Variants in CTNNA3 observed in about 807,000 individuals in gnomAD.
CTNNA3 encodes the protein catenin alpha 3.
Under a neutral mutation model 95.7 loss-of-function variants are expected in CTNNA3, and 76 were observed. The observed-to-expected ratio is 0.79, with a 90% confidence interval of 0.66 to 0.96. The LOEUF (loss-of-function observed/expected upper bound fraction) is 0.96. Ranked by LOEUF, CTNNA3 falls within the 40% of genes least tolerant of loss-of-function variation. The probability of loss-of-function intolerance (pLI) is 0.00; values close to 1 mark genes in which losing one functional copy is unlikely to be tolerated. For missense variants in CTNNA3, 1,191 were observed against 1,089.8 expected (o/e 1.09, Z -1.31); for synonymous variants, 431 against 374.4 (o/e 1.15, Z -1.74).
chr10:67,343,922 T>A (rs1302810947), intron 5 of CTNNA3, among the ~76,000 whole-genome samples: 1 of 147,962 alleles, frequency 6.8e-6, no homozygotes, highest in Non-Finnish European at 1.5e-5. Context: ...ATTATATATT[T>A]TATATTTTAT....
At chr10:66,962,271 T>C (rs1849151512) in intron 7 of CTNNA3, among the ~76,000 whole-genome samples, 1 of 152,152 alleles carries the variant, frequency 6.6e-6, no homozygotes, top group South Asian at 2.1e-4. Context: ...TATCACCCAC[T>C]AGCCTCTCTT....
At chr10:67,628,651 T>C (rs1839037081) in intron 2 of CTNNA3, among the ~76,000 whole-genome samples, 1 of 152,174 alleles carries the variant, frequency 6.6e-6, no homozygotes, top group Non-Finnish European at 1.5e-5. Context: ...GAGTTATATT[T>C]ATATGGCTAT....
rs551434130 is a variant in CTNNA3 at position 66,447,657 on chromosome 10, C to T, written c.1532-68305G>A. On this transcript the variant is annotated intron_variant, in intron 11 of 17. Coordinates refer to ENST00000433211, the MANE Select transcript of CTNNA3 (RefSeq NM_013266.4). ...CTAAAACTGGATCCCTTCCTTACAC[C>T]TTATACAAAAATTAATTCAAGATGG... Among the ~76,000 whole-genome samples the T allele has an allele frequency of 6.6e-5, 10 of 152,216 alleles. 1 individual carries two copies. Among genetic ancestry groups the T allele is most frequent in the Admixed American group, 5.2e-4 (8 of 15,274 alleles).
chr10:67,128,191 A>G (rs1355321027), intron 7 of CTNNA3, among the ~76,000 whole-genome samples: 1 of 152,130 alleles, frequency 6.6e-6, no homozygotes, highest in African/African-American at 2.4e-5. Context: ...GTCAAATATT[A>G]TTCTGGGTGT....
intron 9 of CTNNA3, among the ~76,000 whole-genome samples, chr10:66,701,838 G>A (rs1183782353): frequency 6.6e-6 from 1 of 151,948 alleles, no homozygotes; most frequent in Non-Finnish European, 1.5e-5. Flanking sequence ...GAGATATCTT[G>A]GAGATGGGAC....
chr10:67,363,411 T>C (rs79741948), intron 5 of CTNNA3, among the ~76,000 whole-genome samples: 3,758 of 150,960 alleles, frequency 0.025, 158 homozygotes, highest in African/African-American at 0.085. Flanking sequence ...AGTATAAAAA[T>C]AGACAAATTC....
At chr10:67,654,352 A>T (rs1484568275) in intron 1 of CTNNA3, among the ~76,000 whole-genome samples, 1 of 152,170 alleles carries the variant, frequency 6.6e-6, no homozygotes, top group Non-Finnish European at 1.5e-5. Context: ...TCCCAATACA[A>T]ACGTTAAAGA....
At chr10:67,160,648 G>T (rs899342289) in intron 7 of CTNNA3, among the ~76,000 whole-genome samples, 1 of 151,908 alleles carries the variant, frequency 6.6e-6, no homozygotes, top group Admixed American at 6.6e-5. Flanking sequence ...TGTTCCCCAG[G>T]ATGGTCTTAA....
At chr10:67,624,424 C>T (rs558720848) in intron 2 of CTNNA3, among the ~76,000 whole-genome samples, 21 of 152,216 alleles carry the variant, frequency 1.4e-4, no homozygotes, top group African/African-American at 4.6e-4. Flanking sequence ...TTTACTACAC[C>T]CCAAGTTGAC....
At position 67,145,467 on chromosome 10, in the gene CTNNA3, G is replaced by A. The variant is rs116379283; in HGVS notation, c.1047+34850C>T. On this transcript the variant is annotated intron_variant, in intron 7 of 17. Coordinates refer to ENST00000433211, the MANE Select transcript of CTNNA3 (RefSeq NM_013266.4). ...TTTTTTTTTGATGGAGTCTCAGTTT[G>A]TCACCCAGGCTGAAGTGCAGTGGCG... Among the ~76,000 whole-genome samples the A allele has an allele frequency of 5.1e-3, 747 of 147,718 alleles. 6 individuals carry two copies. The highest frequency in any genetic ancestry group is 0.017 in the African/African-American group (698 of 40,100).
intron 1 of CTNNA3, among the ~76,000 whole-genome samples, chr10:67,703,882 G>A (rs888736843): frequency 2.0e-5 from 3 of 152,202 alleles, no homozygotes; most frequent in Non-Finnish European, 4.4e-5. Flanking sequence ...AAACCCCACT[G>A]TCTCAGCCCT....
intron 2 of CTNNA3, among the ~76,000 whole-genome samples, chr10:67,635,638 C>G (rs1839286540): frequency 6.6e-6 from 1 of 152,096 alleles, no homozygotes; most frequent in Non-Finnish European, 1.5e-5. Context: ...GTTAAAAACT[C>G]TCAATAAACT....
intron 5 of CTNNA3, among the ~76,000 whole-genome samples, chr10:67,354,571 G>A (rs1219343925): frequency 1.3e-5 from 2 of 151,644 alleles, no homozygotes. Flanking sequence ...AAGCCAAAAG[G>A]CCCCTTCAGC....
At chr10:67,493,951 A>G (rs950631686) in intron 5 of CTNNA3, among the ~76,000 whole-genome samples, 1 of 152,338 alleles carries the variant, frequency 6.6e-6, no homozygotes, top group South Asian at 2.1e-4. Context: ...AAAAATGAGT[A>G]GAAAAAAATG....
chr10:66,226,989 T>C (rs1386574007), intron 13 of CTNNA3, among the ~76,000 whole-genome samples: 4 of 152,134 alleles, frequency 2.6e-5, no homozygotes, highest in Non-Finnish European at 4.4e-5. Flanking sequence ...TAAGATCATG[T>C]CATCTCCATA....
intron 10 of CTNNA3, among the ~76,000 whole-genome samples, chr10:66,532,240 A>T (rs991600525): frequency 6.6e-6 from 1 of 152,132 alleles, no homozygotes; most frequent in African/African-American, 2.4e-5. Flanking sequence ...AGGGAGGTGG[A>T]TCACAAGGTC....
intron 12 of CTNNA3, among the ~76,000 whole-genome samples, chr10:66,360,636 TTTC>T (rs778769192): frequency 0.022 from 1,235 of 55,562 alleles, 26 homozygotes; most frequent in Non-Finnish European, 0.029. Context: ...TCTTTCTTTC[TTTC>T]TTTCTTTCTT....
intron 7 of CTNNA3, among the ~76,000 whole-genome samples, chr10:67,092,918 C>T (rs1361860283): frequency 1.3e-5 from 2 of 151,986 alleles, no homozygotes; most frequent in Admixed American, 6.6e-5. Context: ...TACTACTACT[C>T]ATTATTACAA....
intron 1 of CTNNA3, among the ~76,000 whole-genome samples, chr10:67,741,858 A>T (rs1841341617): frequency 6.6e-6 from 1 of 151,312 alleles, no homozygotes; most frequent in Non-Finnish European, 1.5e-5. Flanking sequence ...TTGCAATCCT[A>T]GTCTCTGATA....
Sources: gnomAD v4.1 joint callset for allele counts (sites outside exome capture counted in the v4.1 genomes callset) on GRCh38, gnomAD v4.1.1 for gene constraint, MANE v1.5 for transcripts, NCBI Gene and HGNC (gene_info 2026-07-23, HGNC 2026-07-21) for gene names.